The following EYS variants were observed in gnomAD, a reference collection of about 807,000 sequenced individuals.
EYS encodes EGF-like photoreceptor maintenance factor.
A neutral mutation model predicts 282.1 loss-of-function variants in EYS; 250 were observed. The observed-to-expected ratio is 0.89, with a 90% CI of 0.80 to 0.98. The LOEUF (loss-of-function observed/expected upper bound fraction) is 0.98. Among genes scored for constraint, EYS ranks in the 50% least tolerant of loss-of-function variants. EYS has a pLI of 0.00. For synonymous variants in EYS, 1,355 were observed against 1,282.9 expected (o/e 1.06, Z -1.20); for missense variants, 4,016 against 3,709.0 (o/e 1.08, Z -2.15).
At chr6:64,007,992 C>T (rs1768431038) in intron 33 of EYS, among the ~76,000 whole-genome samples, 2 of 152,042 alleles carry the variant, frequency 1.3e-5, no homozygotes, top group African/African-American at 4.8e-5. Context: ...TCTGTTAGGT[C>T]CATTTGGTCA....
Position 64,822,728 on chromosome 6 carries a change from G to C in EYS, c.3087C>G (p.Asp1029Glu). The C allele has an allele frequency of 4.5e-6, 7 of 1,549,770 alleles. No individual in the cohort carries two copies. The highest frequency in any genetic ancestry group is 6.1e-6 in the Non-Finnish European group (7 of 1,146,008). The part of the protein sequence containing the change: ...CIDGINHYTC[D>E]CKSGFFGTHC... Reference sequence around the variant, plus strand: ...GTGTTCCAAAAAACCCACTCTTGCAGTCACAGGTATAATGATTGATGCCAT... The same window carrying C: ...GTGTTCCAAAAAACCCACTCTTGCACTCACAGGTATAATGATTGATGCCAT... The change falls in exon 20 of 43, where the codon GAC becomes GAG. Residue 1029 changes from aspartate to glutamate, a missense_variant. Physicochemically the swap from Asp to Glu is conservative, Grantham distance 45. Transcript: ENST00000503581.
chr6:63,877,907 G>A (rs1213082301), intron 35 of EYS, among the ~76,000 whole-genome samples: 3 of 152,156 alleles, frequency 2.0e-5, no homozygotes, highest in African/African-American at 7.2e-5. Flanking sequence ...TTTGCAATGG[G>A]TTCGAACATC....
intron 26 of EYS, among the ~76,000 whole-genome samples, chr6:64,556,558 A>T (rs531947651): frequency 6.6e-5 from 10 of 152,008 alleles, no homozygotes; most frequent in Non-Finnish European, 1.3e-4. Flanking sequence ...ATTATATGTA[A>T]ACTATACATC....
chr6:65,037,853 A>G (rs2150147461), intron 13 of EYS, among the ~76,000 whole-genome samples: 1 of 151,820 alleles, frequency 6.6e-6, no homozygotes, highest in East Asian at 1.9e-4. Flanking sequence ...ATGTACATAT[A>G]TTTATATTTA....
chr6:65,314,915 A>T (rs1347013728), intron 11 of EYS, among the ~76,000 whole-genome samples: 2 of 152,078 alleles, frequency 1.3e-5, no homozygotes, highest in African/African-American at 4.8e-5. Context: ...AGTAACTTTG[A>T]CTAATTTGAT....
intron 11 of EYS, chr6:65,332,462 G>T (rs771386330): frequency 8.8e-6 from 12 of 1,359,314 alleles, no homozygotes; most frequent in Non-Finnish European, 1.2e-5. Flanking sequence ...CTAACTTAAG[G>T]CCTAATATTT....
chr6:64,660,658 T>C (rs1425750889), intron 22 of EYS, among the ~76,000 whole-genome samples: 3 of 151,946 alleles, frequency 2.0e-5, no homozygotes, highest in African/African-American at 7.3e-5. Context: ...GAGAATAAAA[T>C]ACCTAGGAAT....
chr6:64,413,563 A>C (rs1055297786), intron 28 of EYS, among the ~76,000 whole-genome samples: 12 of 139,294 alleles, frequency 8.6e-5, no homozygotes, highest in East Asian at 2.4e-4. Context: ...AACAACAAAA[A>C]CCCAAAAAAA....
At chr6:65,083,117 G>A (rs946343376) in intron 12 of EYS, among the ~76,000 whole-genome samples, 1 of 151,880 alleles carries the variant, frequency 6.6e-6, no homozygotes, top group Non-Finnish European at 1.5e-5. Context: ...AACAAAGTTG[G>A]TGACACCACT....
intron 22 of EYS, among the ~76,000 whole-genome samples, chr6:64,711,239 A>T (rs937953553): frequency 6.6e-6 from 1 of 152,236 alleles, no homozygotes; most frequent in African/African-American, 2.4e-5. Flanking sequence ...GCAACATTGT[A>T]TTTTAAAAGT....
intron 23 of EYS, among the ~76,000 whole-genome samples, chr6:64,619,120 G>A (rs1000267327): frequency 1.2e-4 from 18 of 152,108 alleles, no homozygotes; most frequent in African/African-American, 3.1e-4. Flanking sequence ...TAGAGGTGGC[G>A]AGAATTATTG....
intron 31 of EYS, among the ~76,000 whole-genome samples, chr6:64,148,541 T>G (rs78416260): frequency 1.3e-5 from 2 of 152,172 alleles, no homozygotes; most frequent in Non-Finnish European, 2.9e-5. Flanking sequence ...GTTAAGTTGC[T>G]TACAGTGAAT....
intron 28 of EYS, among the ~76,000 whole-genome samples, chr6:64,402,696 T>C (rs1773575129): frequency 6.6e-6 from 1 of 152,224 alleles, no homozygotes; most frequent in Non-Finnish European, 1.5e-5. Context: ...CTAAAAATTT[T>C]GAATTCAATA....
At chr6:64,958,236 G>C (rs1239402999) in intron 14 of EYS, among the ~76,000 whole-genome samples, 1 of 151,804 alleles carries the variant, frequency 6.6e-6, no homozygotes, top group East Asian at 1.9e-4. Context: ...TCAAATTTTG[G>C]CTGGGTGCGG....
chr6:65,195,193 C>G (rs1221636415), intron 12 of EYS, among the ~76,000 whole-genome samples: 1 of 151,914 alleles, frequency 6.6e-6, no homozygotes, highest in Non-Finnish European at 1.5e-5. Flanking sequence ...CTTTCATATA[C>G]TTTTAGAAAT....
intron 35 of EYS, among the ~76,000 whole-genome samples, chr6:63,974,020 T>C (rs1399339284): frequency 6.6e-6 from 1 of 152,162 alleles, no homozygotes; most frequent in African/African-American, 2.4e-5. Context: ...ATTGGTTTGT[T>C]TTCTTTCTAA....
chr6:63,805,074 T>C (rs1489427026), intron 37 of EYS, among the ~76,000 whole-genome samples: 2 of 152,180 alleles, frequency 1.3e-5, no homozygotes, highest in African/African-American at 2.4e-5. Context: ...CAGTCACTGA[T>C]TGAGTTGAAA....
intron 5 of EYS, among the ~76,000 whole-genome samples, chr6:65,447,505 T>C (rs999268281): frequency 4.6e-5 from 7 of 151,572 alleles, no homozygotes; most frequent in African/African-American, 1.7e-4. Context: ...AGATCAAACA[T>C]TGTAACATGT....
intron 30 of EYS, among the ~76,000 whole-genome samples, chr6:64,290,792 G>A (rs1421060979): frequency 6.6e-6 from 1 of 151,178 alleles, no homozygotes; most frequent in East Asian, 2.0e-4. Context: ...TGAGAACTAG[G>A]TCTATGTTCT....
Sources: gnomAD v4.1 joint callset for allele counts (sites outside exome capture counted in the v4.1 genomes callset) on GRCh38, gnomAD v4.1.1 for gene constraint, MANE v1.5 for transcripts, NCBI Gene and HGNC (gene_info 2026-07-23, HGNC 2026-07-21) for gene names.